Variants in PDZD2 observed in about 807,000 individuals in gnomAD.
The protein encoded by PDZD2 is PDZ domain-containing protein 2.
A neutral mutation model predicts 220.7 loss-of-function variants in PDZD2; 90 were observed. The ratio of observed to expected loss-of-function variants is 0.41; its 90% CI spans 0.34 to 0.49. The LOEUF (loss-of-function observed/expected upper bound fraction) is 0.49. Among genes scored for constraint, PDZD2 ranks in the 20% least tolerant of loss-of-function variants. The pLI is 0.28. For synonymous variants in PDZD2, 1,375 were observed against 1,450.5 expected (o/e 0.95, Z 1.18); for missense variants, 3,174 against 3,608.5 (o/e 0.88, Z 3.08).
chr5:32,049,219 G>A (rs1424386270), intron 8 of PDZD2, among the ~76,000 whole-genome samples: 2 of 152,264 alleles, frequency 1.3e-5, no homozygotes, highest in East Asian at 3.9e-4. Flanking sequence ...TCTGAGATCC[G>A]GACTCCACAG....
chr5:31,976,714 C>CTTTTTTTTTTTT (rs869280921), intron 2 of PDZD2, among the ~76,000 whole-genome samples: 28 of 99,694 alleles, frequency 2.8e-4, no homozygotes, highest in Non-Finnish European at 3.9e-4. Flanking sequence ...TTTCTTCTTT[C>CTTTTTTTTTTTT]TTTTTTTTTT....
At chr5:32,051,039 A>T (rs1354894150) in intron 8 of PDZD2, among the ~76,000 whole-genome samples, 1 of 152,150 alleles carries the variant, frequency 6.6e-6, no homozygotes, top group African/African-American at 2.4e-5. Context: ...ACCATGTTAG[A>T]CAGCACGGGT....
At chr5:31,752,069 G>GTTTTTTTTTTTTTTTTTTTTTTTTTTTT (rs1491302993) in intron 1 of PDZD2, among the ~76,000 whole-genome samples, 1 of 95,856 alleles carries the variant, frequency 1.0e-5, no homozygotes, top group Non-Finnish European at 1.9e-5. Flanking sequence ...ATTGTTTTGG[G>GTTTTTTTTTTTTTTTTTTTTTTTTTTTT]TTTGTTTTTT....
chr5:31,711,658 G>A (rs934461584), intron 1 of PDZD2, among the ~76,000 whole-genome samples: 23 of 152,142 alleles, frequency 1.5e-4, no homozygotes, highest in African/African-American at 1.7e-4. Context: ...ACGCTTCATC[G>A]ACAAGCCTCA....
chr5:31,901,931 C>A (rs1476581566), intron 2 of PDZD2, among the ~76,000 whole-genome samples: 1 of 152,212 alleles, frequency 6.6e-6, no homozygotes, highest in Non-Finnish European at 1.5e-5. Flanking sequence ...TGACATCTGT[C>A]ACTACTTTGT....
chr5:31,862,101 G>GTTTTTTTTTTTTTTTT (rs11417935), intron 2 of PDZD2, among the ~76,000 whole-genome samples: 2 of 78,496 alleles, frequency 2.5e-5, no homozygotes, highest in African/African-American at 9.6e-5. Context: ...TTTTTTTTGG[G>GTTTTTTTTTTTTTTTT]TTTTTTTTTT....
At chr5:32,054,509 G>A (rs977934552) in intron 10 of PDZD2, among the ~76,000 whole-genome samples, 1 of 151,450 alleles carries the variant, frequency 6.6e-6, no homozygotes, top group Non-Finnish European at 1.5e-5. Flanking sequence ...TATTTTTGTA[G>A]AGACGAGGTT....
intron 2 of PDZD2, among the ~76,000 whole-genome samples, chr5:31,974,785 C>T (rs999259504): frequency 4.6e-5 from 7 of 152,174 alleles, no homozygotes; most frequent in Non-Finnish European, 1.0e-4. Flanking sequence ...GGTGCAGTGG[C>T]TCACACCTGT....
At chr5:31,714,875 G>A (rs966644154) in intron 1 of PDZD2, among the ~76,000 whole-genome samples, 7 of 151,964 alleles carry the variant, frequency 4.6e-5, no homozygotes, top group Admixed American at 2.6e-4. Flanking sequence ...TGGTTAACAC[G>A]GTGAAACCCC....
At chr5:31,898,808 CTTT>C (rs35589628) in intron 2 of PDZD2, among the ~76,000 whole-genome samples, 73 of 123,462 alleles carry the variant, frequency 5.9e-4, no homozygotes, top group African/African-American at 2.1e-3. Context: ...AGCCTCTCTT[CTTT>C]TTTTTTTTTT....
At chr5:32,094,168 G>A (rs1354436109) in intron 21 of PDZD2, among the ~76,000 whole-genome samples, 2 of 152,112 alleles carry the variant, frequency 1.3e-5, no homozygotes, top group Non-Finnish European at 2.9e-5. Flanking sequence ...TACAGTTTGA[G>A]CCTGTGTTGT....
chr5:32,009,693 C>T (rs1400223256), intron 5 of PDZD2, among the ~76,000 whole-genome samples: 1 of 151,966 alleles, frequency 6.6e-6, no homozygotes, highest in African/African-American at 2.4e-5. Context: ...GATTGCACCA[C>T]TGCACTCAGC....
At chr5:31,898,853 G>T (rs749762656) in intron 2 of PDZD2, among the ~76,000 whole-genome samples, 1 of 141,694 alleles carries the variant, frequency 7.1e-6, no homozygotes, top group Non-Finnish European at 1.5e-5. Context: ...TGTTTGAGAC[G>T]GAGTCTCGCT....
intron 2 of PDZD2, among the ~76,000 whole-genome samples, chr5:31,817,287 A>T (rs1755526409): frequency 6.6e-6 from 1 of 151,668 alleles, no homozygotes; most frequent in Admixed American, 6.6e-5. Context: ...TGAGGTCAGG[A>T]GTTCAAGAAC....
In PDZD2 at chr5:32,073,820, C is replaced by T. The variant is rs1740995994; in HGVS notation, c.2726-12C>T. Reference sequence around the variant, plus strand: ...CAATTTCACTTGACTTTTCTGTCCCCACCTCCACCAGCTCACAAGGAGCCT... The same window carrying T: ...CAATTTCACTTGACTTTTCTGTCCCTACCTCCACCAGCTCACAAGGAGCCT... On this transcript the variant is annotated splice_polypyrimidine_tract_variant and intron_variant, in intron 17 of 24. Coordinates refer to ENST00000438447, the MANE Select transcript of PDZD2 (RefSeq NM_178140.4). 2 of 1,584,296 alleles carry T rather than the reference C, an allele frequency of 1.3e-6. No individual in the cohort carries two copies. Among genetic ancestry groups the T allele is most frequent in the South Asian group, 1.2e-5 (1 of 86,906 alleles).
Position 32,069,656 on chromosome 5 carries a change from G to A in PDZD2, c.2533+6G>A, listed in dbSNP as rs544053326. On this transcript the variant is annotated splice_donor_region_variant and intron_variant, in intron 15 of 24. Coordinates refer to ENST00000438447, the MANE Select transcript of PDZD2 (RefSeq NM_178140.4). ...CAATTCCTCTCCTGGCTTAGGTACTGTAATCTCACATTTTCATTCAACATT... is the reference window on the plus strand; with the variant it reads ...CAATTCCTCTCCTGGCTTAGGTACTATAATCTCACATTTTCATTCAACATT... 5.7e-5 allele frequency: 78 copies of A among 1,376,834 alleles called. 1 individual carries two copies. In the South Asian group the frequency reaches 8.9e-4, roughly 16 times the overall value. 85.3% of individuals were successfully genotyped at this position (1,376,834 alleles called of 1,614,324 possible).
intron 2 of PDZD2, among the ~76,000 whole-genome samples, chr5:31,929,122 G>A (rs956254376): frequency 6.6e-6 from 1 of 152,178 alleles, no homozygotes; most frequent in African/African-American, 2.4e-5. Flanking sequence ...CCTGCTGCAT[G>A]GCTGTGCTCA....
chr5:31,777,297 C>T (rs916301640), intron 1 of PDZD2, among the ~76,000 whole-genome samples: 8 of 152,214 alleles, frequency 5.3e-5, no homozygotes, highest in Admixed American at 2.6e-4. Flanking sequence ...CTGGCCCGCC[C>T]GCACTGTGCT....
chr5:32,056,288 G>A lies in PDZD2; in HGVS notation c.1901-1367G>A, dbSNP rs981578316. ...CCACATAACAAATGCATGGGGCACA[G>A]CTACATTTTTGTAACTCATCTACAG... On this transcript the variant is annotated intron_variant, in intron 10 of 24. Transcript: ENST00000438447. Among the ~76,000 whole-genome samples the A allele has an allele frequency of 3.3e-5, 5 of 152,248 alleles. No homozygotes were observed. In the East Asian group the frequency reaches 5.8e-4, roughly 18 times the overall value.
Sources: allele counts gnomAD v4.1 joint callset (sites outside exome capture counted in the v4.1 genomes callset), GRCh38; gene constraint gnomAD v4.1.1; transcripts MANE v1.5; gene names NCBI Gene and HGNC (gene_info 2026-07-23, HGNC 2026-07-21).